Variants in KLHL31 observed in about 807,000 individuals in gnomAD.
KLHL31 encodes kelch-like protein 31.
Under a neutral mutation model 47.1 loss-of-function variants are expected in KLHL31, and 32 were observed. The observed-to-expected ratio is 0.68, with a 90% CI of 0.51 to 0.91. The LOEUF (loss-of-function observed/expected upper bound fraction) is 0.91, where lower values mean the gene tolerates loss of function less well. Among genes scored for constraint, KLHL31 ranks in the 40% least tolerant of loss-of-function variants. The pLI is 0.00. For synonymous variants in KLHL31, 330 were observed against 325.1 expected (o/e 1.01, Z -0.16); for missense variants, 797 against 819.3 (o/e 0.97, Z 0.33).
At chr6:53,657,904 T>A (rs11359535) in intron 1 of KLHL31, among the ~76,000 whole-genome samples, 25,626 of 152,068 alleles carry the variant, frequency 0.17, 2,383 homozygotes, top group African/African-American at 0.26. Flanking sequence ...TTATATTTTT[T>A]ACAAGGCTGT....
chr6:53,658,626 G>T (rs1338581087), intron 1 of KLHL31, among the ~76,000 whole-genome samples: 1 of 152,032 alleles, frequency 6.6e-6, no homozygotes, highest in Non-Finnish European at 1.5e-5. Flanking sequence ...GTAGCTATTT[G>T]ACTATTTCAA....
Position 53,654,876 on chromosome 6 carries a change from G to A in KLHL31, c.397C>T (p.Leu133Phe). Residue 133 changes from leucine to phenylalanine, a missense_variant, in exon 2 of 3, where the codon CTC (leucine) becomes TTC (phenylalanine). Physicochemically the swap from Leu to Phe is conservative, Grantham distance 22. Coordinates refer to ENST00000370905, the MANE Select transcript of KLHL31 (RefSeq NM_001003760.5). ...CCTATTGTATACAAGGAGAGAGTGAGCTTTCCAGTGTAGGCATATGCAATG... is the reference window on the plus strand; with the variant it reads ...CCTATTGTATACAAGGAGAGAGTGAACTTTCCAGTGTAGGCATATGCAATG... ...TVIAYAYTGK[L>F]TLSLYTIGSI... is the part of the protein sequence containing the mutation. 1 of 1,614,128 alleles carries A rather than the reference G, an allele frequency of 6.2e-7. No homozygotes were observed. Among genetic ancestry groups the A allele is most frequent in the African/African-American group, 1.3e-5 (1 of 75,030 alleles).
chr6:53,655,119 C>G lies in KLHL31; in HGVS notation c.154G>C (p.Asp52His), dbSNP rs1422572693. 1.2e-5 allele frequency: 20 copies of G among 1,614,206 alleles called. No individual in the cohort carries two copies. Among genetic ancestry groups the G allele is most frequent in the South Asian group, 2.2e-5 (2 of 91,084 alleles). The part of the protein sequence containing the change: ...GLSCISSELT[D>H]ASYGPNLLEG... ...AAGAGGTTGGGGCCATAAGAAGCATCTGTTAGTTCAGAAGAAATGCAGCTA... is the reference window on the plus strand; with the variant it reads ...AAGAGGTTGGGGCCATAAGAAGCATGTGTTAGTTCAGAAGAAATGCAGCTA... The change falls in exon 2 of 3, where the codon GAT (aspartate) becomes CAT (histidine). Residue 52 changes from aspartate to histidine, a missense_variant. By Grantham distance (81) the Asp-to-His change is moderately conservative. Transcript: ENST00000370905.
intron 2 of KLHL31, among the ~76,000 whole-genome samples, chr6:53,652,853 C>T (rs1191771183): frequency 6.6e-6 from 1 of 152,180 alleles, no homozygotes; most frequent in East Asian, 1.9e-4. Context: ...TCACAAACCC[C>T]TTAATCCTAC....
rs1314311151 is a variant in KLHL31 at position 53,649,638 on chromosome 6, T to C, written c.*1960A>G. The C allele has an allele frequency of 1.3e-5, 2 of 152,194 alleles. No homozygotes were observed. Among genetic ancestry groups the C allele is most frequent in the African/African-American group, 4.8e-5 (2 of 41,464 alleles). The allele number at this position is 152,194 out of a possible 1,614,324, so 9.4% of individuals were successfully genotyped here. A position where few individuals can be genotyped will look rare whatever the true frequency, so the allele number is the denominator to read the frequency against. Reference sequence around the variant, plus strand: ...GCCCTAGGTCCTCCTCTTCATACAATACTTCTAAGATGTCAATGGGAACAC... The same window carrying C: ...GCCCTAGGTCCTCCTCTTCATACAACACTTCTAAGATGTCAATGGGAACAC... On this transcript the variant is annotated 3_prime_UTR_variant, in exon 3 of 3. Transcript: ENST00000370905.
rs748132291 is a variant in KLHL31 at position 53,652,189 on chromosome 6, G to A, written c.1314C>T (p.Cys438=). Residue 438 remains cysteine (C), a synonymous_variant, in exon 3 of 3, where the codon TGC becomes TGT. Transcript: ENST00000370905. The part of the protein sequence containing the change: ...NAEGSLASLE[C]YVPSTNQWQP... Reference sequence around the variant, plus strand: ...GCCACTGATTGGTGGAGGGCACGTAGCACTCCAGCGAGGCCAGGCTTCCTT... The same window carrying A: ...GCCACTGATTGGTGGAGGGCACGTAACACTCCAGCGAGGCCAGGCTTCCTT... 1.9e-6 allele frequency: 3 copies of A among 1,611,168 alleles called. No homozygotes were observed. Among genetic ancestry groups the A allele is most frequent in the South Asian group, 1.1e-5 (1 of 91,070 alleles).
At position 53,651,419 on chromosome 6, in the gene KLHL31, A is replaced by AAAAAAAAAAAAAT; in HGVS notation, c.*178_*179insATTTTTTTTTTTT. 5.6e-6 allele frequency: 2 copies of AAAAAAAAAAAAAT among 358,178 alleles called. No individual in the cohort carries two copies. The highest frequency in any genetic ancestry group is 9.9e-6 in the Non-Finnish European group (2 of 201,500). 22.2% of individuals were successfully genotyped at this position (358,178 alleles called of 1,614,324 possible). On this transcript the variant is annotated 3_prime_UTR_variant, in exon 3 of 3. Transcript: ENST00000370905. Reference sequence around the variant, plus strand: ...TTTGCTAAAAAAAAAAAAAAAAAAAAGAGGTAGATTATGCCATACCAGGAA... The same window carrying AAAAAAAAAAAAAT: ...TTTGCTAAAAAAAAAAAAAAAAAAAAAAAAAAAAAAAATGAGGTAGATTATGCCATACCAGGAA...
chr6:53,651,421 A>AAAAAAAAAAAAAAAAAT lies in KLHL31; in HGVS notation c.*176_*177insATTTTTTTTTTTTTTTT. On this transcript the variant is annotated 3_prime_UTR_variant, in exon 3 of 3. Transcript: ENST00000370905. ...TGCTAAAAAAAAAAAAAAAAAAAAG[A>AAAAAAAAAAAAAAAAAT]GGTAGATTATGCCATACCAGGAATT... 1 of 364,532 alleles carries AAAAAAAAAAAAAAAAAT rather than the reference A, an allele frequency of 2.7e-6. No individual in the cohort carries two copies. Among genetic ancestry groups the AAAAAAAAAAAAAAAAAT allele is most frequent in the Non-Finnish European group, 4.9e-6 (1 of 202,106 alleles). The allele number at this position is 364,532 out of a possible 1,614,324, so 22.6% of individuals were successfully genotyped here.
rs1764464527 is a variant in KLHL31, at chr6:53,651,540, C to A, written c.*58G>T. On this transcript the variant is annotated 3_prime_UTR_variant, in exon 3 of 3. Coordinates refer to ENST00000370905, the MANE Select transcript of KLHL31 (RefSeq NM_001003760.5). ...TCCTTTTCGCGAACTCAGAGGTTAA[C>A]CACGTGGCTCTACGAATAAATAACG... 2 of 1,556,788 alleles carry A rather than the reference C, an allele frequency of 1.3e-6. No individual in the cohort carries two copies. Among genetic ancestry groups the A allele is most frequent in the Admixed American group, 3.6e-5 (2 of 55,258 alleles).
In KLHL31 at chr6:53,650,208, G is replaced by T. The variant is rs1261393106; in HGVS notation, c.*1390C>A. ...ATTGCACATAACCCATAATTGATAG[G>T]CCACTTCCTCTCCAAAACAAATAAA... is the stretch of plus-strand genomic sequence containing the variant. On this transcript the variant is annotated 3_prime_UTR_variant, in exon 3 of 3. Transcript: ENST00000370905. The T allele has an allele frequency of 6.6e-6, 1 of 151,976 alleles. No homozygotes were observed. 9.4% of individuals were successfully genotyped at this position (151,976 alleles called of 1,614,324 possible).
chr6:53,653,296 G>A (rs1764503351), intron 2 of KLHL31, among the ~76,000 whole-genome samples: 1 of 152,104 alleles, frequency 6.6e-6, no homozygotes, highest in African/African-American at 2.4e-5. Context: ...TCAGTTAATT[G>A]TGTTCTTTAA....
chr6:53,651,648 T>G lies in KLHL31; in HGVS notation c.1855A>C (p.Thr619Pro). 2 of 1,613,948 alleles carry G rather than the reference T, an allele frequency of 1.2e-6. No homozygotes were observed. The highest frequency in any genetic ancestry group is 1.7e-6 in the Non-Finnish European group (2 of 1,179,992). ...ACCGAACTGGCCCGGGATTCCCGAG[T>G]CACGTTGTTGGGCATCGAGAGGGTG... Reference protein sequence around the residue: ...CCTLSMPNNVTRESRASSVSS... With the variant: ...CCTLSMPNNVPRESRASSVSS... Residue 619 changes from threonine (T) to proline (P), a missense_variant, in exon 3 of 3, where the codon ACT (threonine) becomes CCT (proline). By Grantham distance (38) the Thr-to-Pro change is conservative (BLOSUM62 -1). Transcript: ENST00000370905.
In KLHL31 at chr6:53,648,317, G is replaced by A. The variant is rs192274361; in HGVS notation, c.*3281C>T. The A allele has an allele frequency of 6.6e-5, 10 of 152,232 alleles. No individual in the cohort carries two copies. In the East Asian group the frequency reaches 1.5e-3, roughly 23 times the overall value. The allele number at this position is 152,232 out of a possible 1,614,324, so 9.4% of individuals were successfully genotyped here. Reference sequence around the variant, plus strand: ...AACATATTCATCAGCGGCTGGAATAGGGATGTAGTTCATTCAGAGATTACA... The same window carrying A: ...AACATATTCATCAGCGGCTGGAATAAGGATGTAGTTCATTCAGAGATTACA... On this transcript the variant is annotated 3_prime_UTR_variant, in exon 3 of 3. Coordinates refer to ENST00000370905, the MANE Select transcript of KLHL31 (RefSeq NM_001003760.5).
rs57566339 is a variant in KLHL31, at chr6:53,657,610, T to TTGTGTGTGTGTG, written c.-33-2317_-33-2306dup. Among the ~76,000 whole-genome samples, 362 of 138,798 alleles carry TTGTGTGTGTGTG rather than the reference T, an allele frequency of 2.6e-3. 2 individuals carry two copies. Among genetic ancestry groups the TTGTGTGTGTGTG allele is most frequent in the East Asian group, 0.012 (57 of 4,584 alleles). 91.1% of individuals were successfully genotyped at this position (138,798 alleles called of 152,430 possible). On this transcript the variant is annotated intron_variant, in intron 1 of 2. Coordinates refer to ENST00000370905, the MANE Select transcript of KLHL31 (RefSeq NM_001003760.5). Reference sequence around the variant, plus strand: ...TGGTTTACAATTTTTTGTTTTTGTTTTGTGTGTGTGTGTGTGTGTGTGTGT... The same window carrying TTGTGTGTGTGTG: ...TGGTTTACAATTTTTTGTTTTTGTTTTGTGTGTGTGTGTGTGTGTGTGTGTGTGTGTGTGTGT...
intron 1 of KLHL31, among the ~76,000 whole-genome samples, chr6:53,657,634 G>GTT (rs1451222440): frequency 6.6e-6 from 1 of 151,472 alleles, no homozygotes; most frequent in Non-Finnish European, 1.5e-5. Context: ...GTGTGTGTGT[G>GTT]TGTGTGTGTG....
rs527729214 is a variant in KLHL31, at chr6:53,661,483, G to C, written c.-34+4118C>G. Among the ~76,000 whole-genome samples, 3 of 152,208 alleles carry C rather than the reference G, an allele frequency of 2.0e-5. No individual in the cohort carries two copies. The South Asian group carries it at 6.3e-4, about 32-fold the overall frequency. ...ACAATCATGTTTAAGTTAAGAGCAAGGGCAATCTTTAAGGAAAGAAGTCAT... is the reference window on the plus strand; with the variant it reads ...ACAATCATGTTTAAGTTAAGAGCAACGGCAATCTTTAAGGAAAGAAGTCAT... On this transcript the variant is annotated intron_variant, in intron 1 of 2. Coordinates refer to ENST00000370905, the MANE Select transcript of KLHL31 (RefSeq NM_001003760.5).
At chr6:53,655,439 A>G (rs1764546574) in intron 1 of KLHL31, 134 bp from the exon 2 acceptor site, 1 of 517,284 alleles carries the variant, frequency 1.9e-6, no homozygotes. Flanking sequence ...ATAGATTTAA[A>G]GACATATTAA....
intron 1 of KLHL31, among the ~76,000 whole-genome samples, chr6:53,662,958 T>C (rs1242069443): frequency 6.6e-6 from 1 of 151,470 alleles, no homozygotes; most frequent in African/African-American, 2.5e-5. Flanking sequence ...GGGTGTACTA[T>C]GTGCTGGGCC....
rs1258416025 is a variant in KLHL31 at position 53,654,739 on chromosome 6, A to G, written c.534T>C (p.Ile178=). 2 of 1,614,192 alleles carry G rather than the reference A, an allele frequency of 1.2e-6. No homozygotes were observed. The highest frequency in any genetic ancestry group is 3.3e-5 in the Admixed American group (2 of 60,028). Residue 178 remains isoleucine (I), a synonymous_variant, in exon 2 of 3, where the codon ATT becomes ATC. Coordinates refer to ENST00000370905, the MANE Select transcript of KLHL31 (RefSeq NM_001003760.5). ...SVENCMYVVN[I]AETYSLKNAK... ...CATTTTTTAGGGAGTATGTTTCAGC[A>G]ATATTAACAACATACATGCAATTCT...
Sources: allele counts gnomAD v4.1 joint callset (sites outside exome capture counted in the v4.1 genomes callset), GRCh38; gene constraint gnomAD v4.1.1; transcripts MANE v1.5; gene names NCBI Gene and HGNC (gene_info 2026-07-23, HGNC 2026-07-21).